NLRC5: variants seen among roughly 807,000 people sequenced by gnomAD.
NLRC5 encodes NLR family CARD domain containing 5.
A neutral mutation model predicts 206.9 loss-of-function variants in NLRC5; 114 were observed. The ratio of observed to expected loss-of-function variants is 0.55; its 90% confidence interval spans 0.47 to 0.64. The LOEUF (loss-of-function observed/expected upper bound fraction) is 0.64. Ranked by LOEUF, NLRC5 falls within the 30% of genes least tolerant of loss-of-function variation. The pLI, the probability that NLRC5 is intolerant of heterozygous loss-of-function variation, is 0.00. For missense variants in NLRC5, 2,008 were observed against 2,305.5 expected, an observed-to-expected ratio of 0.87 and a Z score of 2.64; for synonymous variants, 952 against 962.8, an observed-to-expected ratio of 0.99 and a Z score of 0.21.
chr16:57,028,407 T>C, intron 8 of NLRC5, 22 bp downstream of exon 8: 1 of 1,594,358 alleles, frequency 6.3e-7, no homozygotes, highest in Non-Finnish European at 8.6e-7. Context: ...CCAGGAGGGC[T>C]CACTGACTGG....
Position 57,070,574 on chromosome 16 carries a change from G to A in NLRC5, c.4623G>A (p.Ala1541=), listed in dbSNP as rs746507291. The A allele has an allele frequency of 9.3e-6, 15 of 1,614,156 alleles. No individual in the cohort carries two copies. The highest frequency in any genetic ancestry group is 5.0e-5 in the Admixed American group (3 of 60,030). ...AATTTGATGAGGAGGGCACCAAGGC[G>A]CTGATGAGGGCCCTTGAGGGGAAAT... ...NNQFDEEGTK[A]LMRALEGKWM... The change falls in exon 38 of 49, where the codon GCG becomes GCA. Residue 1541 remains alanine, a synonymous_variant. Coordinates refer to ENST00000688547, the MANE Select transcript of NLRC5 (RefSeq NM_001384950.1).
chr16:57,012,104 A>G (rs541205426), intron 1 of NLRC5, among the ~76,000 whole-genome samples: 1 of 152,354 alleles, frequency 6.6e-6, no homozygotes, highest in East Asian at 1.9e-4. Flanking sequence ...CTGTTTCAAT[A>G]GATTTGCCTT....
rs2061460908 is a variant in NLRC5, at chr16:57,028,386, G to A, written c.2243+1G>A. On this transcript the variant is annotated splice_donor_variant, in intron 8 of 48. Coordinates refer to ENST00000688547, the MANE Select transcript of NLRC5 (RefSeq NM_001384950.1). LOFTEE classifies it high-confidence loss of function. ...TCTGTCCACAGCTGAAAGAAGTCAG[G>A]TGAGTGATCTCCAGGAGGGCTCACT... The A allele has an allele frequency of 1.9e-6, 3 of 1,613,150 alleles. No homozygotes were observed.
At chr16:57,035,988 G>A (rs2062517449) in intron 13 of NLRC5, 112 bp from the exon 14 acceptor site, 3 of 979,172 alleles carry the variant, frequency 3.1e-6, no homozygotes, top group Non-Finnish European at 1.6e-6. Flanking sequence ...TATTATCAAG[G>A]TTCATTCCTG....
At chr16:57,019,948 C>T (rs2060477930) in intron 2 of NLRC5, among the ~76,000 whole-genome samples, 1 of 152,052 alleles carries the variant, frequency 6.6e-6, no homozygotes, top group Admixed American at 6.6e-5. Flanking sequence ...CGGGACTGTC[C>T]ACAGGGGATG....
At position 57,077,998 on chromosome 16, in the gene NLRC5, C is replaced by T; in HGVS notation, c.5059C>T (p.Pro1687Ser). 6.2e-7 allele frequency: 1 copy of T among 1,609,746 alleles called. No homozygotes were observed. Among genetic ancestry groups the T allele is most frequent in the Admixed American group, 1.7e-5 (1 of 59,648 alleles). Residue 1687 changes from proline to serine, a missense_variant, in exon 43 of 49, where the codon CCC becomes TCC. Pro to Ser is a moderately conservative substitution (Grantham distance 74). Transcript: ENST00000688547. The stretch of plus-strand genomic sequence containing the variant: ...AGCCCTGGGGCTGGCTCAGGAGCTG[C>T]CCCAGCACCTGAGGGTCCTACAGTG... ...PTALGLAQELPQHLRVLHLPF... is the reference protein window; with the variant it reads ...PTALGLAQELSQHLRVLHLPF...
At chr16:57,042,313 C>T (rs1392078660) in intron 19 of NLRC5, among the ~76,000 whole-genome samples, 1 of 152,178 alleles carries the variant, frequency 6.6e-6, no homozygotes, top group Non-Finnish European at 1.5e-5. Flanking sequence ...CATCTCTGAA[C>T]AGGCTTCTGA....
intron 36 of NLRC5, among the ~76,000 whole-genome samples, chr16:57,068,588 T>C (rs568958658): frequency 6.6e-6 from 1 of 152,338 alleles, no homozygotes; most frequent in East Asian, 1.9e-4. Context: ...CATGTCCCTT[T>C]ACCCGTTAAC....
At position 57,067,328 on chromosome 16, in the gene NLRC5, C is replaced by T; in HGVS notation, c.4323-59C>T. 3 of 1,389,744 alleles carry T rather than the reference C, an allele frequency of 2.2e-6. No homozygotes were observed. In the South Asian group the frequency reaches 3.5e-5, roughly 16 times the overall value. 86.1% of individuals were successfully genotyped at this position (1,389,744 alleles called of 1,614,324 possible). ...ACCATAAGCTCCTTGCAGGCAGATA[C>T]TGAATCCCACATACTGGACTAGATG... On this transcript the variant is annotated intron_variant, in intron 34 of 48. Coordinates refer to ENST00000688547, the MANE Select transcript of NLRC5 (RefSeq NM_001384950.1).
rs1467167845 is a variant in NLRC5 at position 57,041,839 on chromosome 16, T to C, written c.3030-143T>C. On this transcript the variant is annotated intron_variant, in intron 18 of 48. Coordinates refer to ENST00000688547, the MANE Select transcript of NLRC5 (RefSeq NM_001384950.1). Reference sequence around the variant, plus strand: ...ACCTGGGGGAGACCCCAGCTGCCCGTGCCAGATCTGCTGAGATCTGGCCTG... The same window carrying C: ...ACCTGGGGGAGACCCCAGCTGCCCGCGCCAGATCTGCTGAGATCTGGCCTG... 22 of 652,660 alleles carry C rather than the reference T, an allele frequency of 3.4e-5. No homozygotes were observed. The East Asian group carries it at 6.2e-4, about 18-fold the overall frequency. The allele number at this position is 652,660 out of a possible 1,614,324, so 40.4% of individuals were successfully genotyped here. A position where few individuals can be genotyped will look rare whatever the true frequency, so the allele number is the denominator to read the frequency against.
At chr16:57,070,236 G>A (rs1208517386) in intron 37 of NLRC5, among the ~76,000 whole-genome samples, 3 of 126,750 alleles carry the variant, frequency 2.4e-5, no homozygotes, top group African/African-American at 9.0e-5. Flanking sequence ...GGAGAGGGCT[G>A]AAGAACAAGA....
intron 30 of NLRC5, 126 bp from the exon 31 acceptor site, chr16:57,061,322 C>G: frequency 1.1e-6 from 1 of 914,136 alleles, no homozygotes; most frequent in East Asian, 2.7e-5. Flanking sequence ...CTCTCAGGCC[C>G]TGCTCCAGGC....
chr16:57,074,420 T>C, intron 38 of NLRC5, 180 bp from the exon 39 acceptor site: 1 of 610,418 alleles, frequency 1.6e-6, no homozygotes. Flanking sequence ...CAGTAATTCA[T>C]GCAGAGAAAC....
At chr16:57,010,321 A>C (rs2059357767) in intron 1 of NLRC5, among the ~76,000 whole-genome samples, 1 of 152,226 alleles carries the variant, frequency 6.6e-6, no homozygotes, top group Non-Finnish European at 1.5e-5. Context: ...ACATGCATAA[A>C]TGTTAAACTC....
chr16:57,031,411 G>A lies in NLRC5; in HGVS notation c.2425G>A (p.Asp809Asn). 6.2e-7 allele frequency: 1 copy of A among 1,613,912 alleles called. No individual in the cohort carries two copies. Among genetic ancestry groups the A allele is most frequent in the Non-Finnish European group, 8.5e-7 (1 of 1,179,970 alleles). ...TGGTATCTGATCCTGCAGGGAGGCG[G>A]ACCTCATCTTCCTTCTTTCCCCGCC... is the stretch of plus-strand genomic sequence containing the variant. Reference protein sequence around the residue: ...TVRMLQAREADLIFLLSPPTE... With the variant: ...TVRMLQAREANLIFLLSPPTE... Residue 809 changes from aspartate to asparagine, a missense_variant, in exon 11 of 49, where the codon GAC becomes AAC. Asp to Asn is a conservative substitution (Grantham distance 23). Transcript: ENST00000688547.
At chr16:57,081,273 C>T (rs1217843732) in intron 47 of NLRC5, 92 bp downstream of exon 47, 9 of 1,279,664 alleles carry the variant, frequency 7.0e-6, no homozygotes, top group Admixed American at 4.1e-5. Flanking sequence ...CCCTGCCTCC[C>T]AGAAAGCCCT....
intron 23 of NLRC5, 28 bp from the exon 24 acceptor site, chr16:57,051,510 C>T (rs778266218): frequency 3.2e-6 from 5 of 1,572,968 alleles, no homozygotes; most frequent in Non-Finnish European, 4.4e-6. Flanking sequence ...AGGTTTCCCC[C>T]ACCTCATCCA....
intron 17 of NLRC5, 103 bp from the exon 18 acceptor site, chr16:57,041,382 T>C: frequency 2.2e-6 from 2 of 927,628 alleles, no homozygotes; most frequent in African/African-American, 1.6e-5. Flanking sequence ...CCTCCTCTCC[T>C]GCAAGCCTCA....
At chr16:57,040,614 C>A in intron 16 of NLRC5, 36 bp from the exon 17 acceptor site, 1 of 1,601,498 alleles carries the variant, frequency 6.2e-7, no homozygotes, top group Non-Finnish European at 8.6e-7. Context: ...GCGGACATGG[C>A]CTTTGCTCAG....
Sources: gnomAD v4.1 joint callset for allele counts (sites outside exome capture counted in the v4.1 genomes callset) on GRCh38, gnomAD v4.1.1 for gene constraint, MANE v1.5 for transcripts, NCBI Gene and HGNC (gene_info 2026-07-23, HGNC 2026-07-21) for gene names.